Variants in IKZF2 observed in about 807,000 individuals in gnomAD.
IKZF2 encodes the protein zinc finger protein Helios.
IKZF2 carries 15 observed loss-of-function variants against 49.2 expected under a neutral mutation model. The observed-to-expected ratio is 0.30, with a 90% CI of 0.20 to 0.47. IKZF2 has a LOEUF of 0.47. Ranked by LOEUF, IKZF2 falls within the 20% of genes least tolerant of loss-of-function variation. The pLI, the probability that IKZF2 is intolerant of heterozygous loss-of-function variation, is 1.00. For missense variants in IKZF2, 567 were observed against 664.6 expected, an observed-to-expected ratio of 0.85 and a Z score of 1.61; for synonymous variants, 227 against 221.4, an observed-to-expected ratio of 1.03 and a Z score of -0.23.
At position 213,056,875 on chromosome 2, in the gene IKZF2, T is replaced by A. The variant is rs978549130; in HGVS notation, c.364A>T (p.Ile122Phe). ...LKCDVCGMVC[I>F]GPNVLMVHKR... ...TGTACCATAAGCACATTGGGCCCAA[T>A]GCAAACCATGCCACAGACGTCACAT... The change falls in exon 5 of 9, where the codon ATT becomes TTT. Residue 122 changes from isoleucine to phenylalanine, a missense_variant. Transcript: ENST00000434687. 6.2e-7 allele frequency: 1 copy of A among 1,613,740 alleles called. No individual in the cohort carries two copies.
At chr2:213,150,475 C>CTCG in intron 1 of IKZF2, 1 of 270,244 alleles carries the variant, frequency 3.7e-6, no homozygotes, top group Non-Finnish European at 7.3e-6. Context: ...CCTCCTCCTC[C>CTCG]TCGTCCTCCT....
chr2:213,062,227 A>G (rs1300399203), intron 4 of IKZF2, among the ~76,000 whole-genome samples: 3 of 151,652 alleles, frequency 2.0e-5, no homozygotes, highest in Admixed American at 6.6e-5. Context: ...GAAAATATCA[A>G]TTTAAGACAT....
chr2:213,135,848 A>G (rs1193268585), intron 4 of IKZF2, among the ~76,000 whole-genome samples: 2 of 151,614 alleles, frequency 1.3e-5, no homozygotes, highest in Admixed American at 6.6e-5. Flanking sequence ...CAGGAGTACG[A>G]GAGCGCCTGA....
At chr2:213,039,079 T>G (rs1699353096) in intron 6 of IKZF2, among the ~76,000 whole-genome samples, 1 of 152,048 alleles carries the variant, frequency 6.6e-6, no homozygotes, top group Non-Finnish European at 1.5e-5. Context: ...TCTGAGGGCA[T>G]GTAGCATATA....
At chr2:213,110,028 T>C (rs1451453396) in intron 4 of IKZF2, among the ~76,000 whole-genome samples, 3 of 152,032 alleles carry the variant, frequency 2.0e-5, no homozygotes, top group East Asian at 3.8e-4. Flanking sequence ...GGAATCTACA[T>C]CTAAATTGGG....
Position 213,108,664 on chromosome 2 carries a change from A to C in IKZF2, c.139+39044T>G, listed in dbSNP as rs1032362374. On this transcript the variant is annotated intron_variant, in intron 4 of 8. Transcript: ENST00000434687. ...CACTAACAAAGTTGATATAGCTTTA[A>C]AGTGCTTTTCTTTAAAAGAAGGTAC... Among the ~76,000 whole-genome samples the C allele has an allele frequency of 1.3e-5, 2 of 152,164 alleles. 1 individual carries two copies. Among genetic ancestry groups the C allele is most frequent in the Admixed American group, 1.3e-4 (2 of 15,262 alleles).
chr2:213,066,808 G>A (rs1702208546), intron 4 of IKZF2, among the ~76,000 whole-genome samples: 3 of 151,956 alleles, frequency 2.0e-5, no homozygotes, highest in Admixed American at 2.0e-4. Flanking sequence ...ATAATTAAAG[G>A]CAAAAACATT....
intron 4 of IKZF2, among the ~76,000 whole-genome samples, chr2:213,098,988 A>C (rs893379516): frequency 1.3e-5 from 2 of 152,286 alleles, no homozygotes; most frequent in Middle Eastern, 3.4e-3. Context: ...TCAATCCTTA[A>C]ACACTGTGCA....
chr2:213,058,918 A>C (rs559781139), intron 4 of IKZF2, among the ~76,000 whole-genome samples: 18 of 152,034 alleles, frequency 1.2e-4, no homozygotes, highest in African/African-American at 4.3e-4. Context: ...AACCAGTATC[A>C]TAATTTTCAA....
rs1165044518 is a variant in IKZF2 at position 213,000,251 on chromosome 2, T to TA, written c.*7108_*7109insT. 2.0e-3 allele frequency: 76 copies of TA among 37,492 alleles called. No homozygotes were observed. The highest frequency in any genetic ancestry group is 0.015 in the South Asian group (6 of 388). 2.3% of individuals were successfully genotyped at this position (37,492 alleles called of 1,614,324 possible). A position where few individuals can be genotyped will look rare whatever the true frequency, so the allele number is the denominator to read the frequency against. ...ATGGAATTTTAACTTTACATATATA[T>TA]TTATATATATATATATATATTTCTT... is the stretch of plus-strand genomic sequence containing the variant. On this transcript the variant is annotated 3_prime_UTR_variant, in exon 9 of 9. Coordinates refer to ENST00000434687, the MANE Select transcript of IKZF2 (RefSeq NM_001387220.1).
chr2:213,013,498 G>C (rs1696210410), intron 8 of IKZF2, among the ~76,000 whole-genome samples: 1 of 151,270 alleles, frequency 6.6e-6, no homozygotes, highest in Non-Finnish European at 1.5e-5. Context: ...TCTTCTGTAT[G>C]ACTATTTTTT....
chr2:213,114,258 C>CG (rs1180312329), intron 4 of IKZF2, among the ~76,000 whole-genome samples: 2 of 151,990 alleles, frequency 1.3e-5, no homozygotes, highest in African/African-American at 4.8e-5. Flanking sequence ...AAAGGTGCAA[C>CG]GGGTTTTTTT....
chr2:213,004,460 A>T lies in IKZF2; in HGVS notation c.*2900T>A, dbSNP rs759650000. On this transcript the variant is annotated 3_prime_UTR_variant, in exon 9 of 9. Transcript: ENST00000434687. ...GGCAAAATTAGGGCAAAGCAATGTG[A>T]TGAAATTCTGAACTTTTGCCAAACT... 1.3e-5 allele frequency: 2 copies of T among 151,964 alleles called. No individual in the cohort carries two copies. Among genetic ancestry groups the T allele is most frequent in the Admixed American group, 1.3e-4 (2 of 15,210 alleles). 9.4% of individuals were successfully genotyped at this position (151,964 alleles called of 1,614,324 possible).
At chr2:213,039,541 GTGT>G (rs777962641) in intron 6 of IKZF2, among the ~76,000 whole-genome samples, 2 of 152,028 alleles carry the variant, frequency 1.3e-5, no homozygotes, top group Non-Finnish European at 2.9e-5. Flanking sequence ...TCACAAAGTA[GTGT>G]TGTAAAAATC....
chr2:213,068,615 T>A (rs1702376660), intron 4 of IKZF2, among the ~76,000 whole-genome samples: 1 of 152,082 alleles, frequency 6.6e-6, no homozygotes, highest in African/African-American at 2.4e-5. Context: ...AATTTATTTA[T>A]ACAAAATCTG....
chr2:213,016,046 A>ATTTT (rs1696551587), intron 7 of IKZF2, among the ~76,000 whole-genome samples: 1 of 152,098 alleles, frequency 6.6e-6, no homozygotes, highest in Non-Finnish European at 1.5e-5. Flanking sequence ...GAAAATGATG[A>ATTTT]TTTTGGCAGA....
chr2:213,017,772 C>T (rs1353649957), intron 7 of IKZF2, among the ~76,000 whole-genome samples: 1 of 152,160 alleles, frequency 6.6e-6, no homozygotes, highest in African/African-American at 2.4e-5. Context: ...TAGGTATGTC[C>T]TCTCTGTCTC....
At chr2:213,040,844 G>A (rs538502033) in intron 6 of IKZF2, among the ~76,000 whole-genome samples, 1 of 152,272 alleles carries the variant, frequency 6.6e-6, no homozygotes, top group South Asian at 2.1e-4. Context: ...AAGGGTGGGC[G>A]CAGTGGCTCA....
chr2:213,038,631 A>T (rs907769780), intron 6 of IKZF2, among the ~76,000 whole-genome samples: 27 of 152,030 alleles, frequency 1.8e-4, no homozygotes, highest in Non-Finnish European at 3.4e-4. Flanking sequence ...TGAAGGATTG[A>T]GGGAAAAAGA....
Sources: allele counts gnomAD v4.1 joint callset (sites outside exome capture counted in the v4.1 genomes callset), GRCh38; gene constraint gnomAD v4.1.1; transcripts MANE v1.5; gene names NCBI Gene and HGNC (gene_info 2026-07-23, HGNC 2026-07-21).